Variants in C12orf42 observed in about 807,000 individuals in gnomAD.
C12orf42 encodes chromosome 12 open reading frame 42.
C12orf42 carries 25 observed loss-of-function variants against 21.6 expected under a neutral mutation model. The observed-to-expected ratio is 1.16, with a 90% CI of 0.84 to 1.62. The LOEUF (loss-of-function observed/expected upper bound fraction) is 1.62. C12orf42 is among the 40% of genes most tolerant of loss of function. The pLI is 0.00. For missense variants in C12orf42, 483 were observed against 459.3 expected, an observed-to-expected ratio of 1.05 and a Z score of -0.47; for synonymous variants, 174 against 175.0, an observed-to-expected ratio of 0.99 and a Z score of 0.05.
intron 2 of C12orf42, among the ~76,000 whole-genome samples, chr12:103,468,374 C>A (rs934080615): frequency 1.3e-5 from 2 of 152,158 alleles, no homozygotes; most frequent in Non-Finnish European, 2.9e-5. Context: ...TTAGGACTCA[C>A]TGGGTGTGTA....
Position 103,302,037 on chromosome 12 carries a change from C to A in C12orf42, c.*71G>T. 1.4e-6 allele frequency: 2 copies of A among 1,469,616 alleles called. No homozygotes were observed. Among genetic ancestry groups the A allele is most frequent in the South Asian group, 2.6e-5 (2 of 75,926 alleles). 91.0% of individuals were successfully genotyped at this position (1,469,616 alleles called of 1,614,324 possible). A position where few individuals can be genotyped will look rare whatever the true frequency, so the allele number is the denominator to read the frequency against. ...CTGTGGAAACCAGTACATCTGAGGC[C>A]CTTTCTGTTGTTCTGAGCAGGCATT... On this transcript the variant is annotated 3_prime_UTR_variant, in exon 6 of 6. Coordinates refer to ENST00000548883, the MANE Select transcript of C12orf42 (RefSeq NM_198521.5).
intron 4 of C12orf42, among the ~76,000 whole-genome samples, chr12:103,345,859 A>C (rs993086032): frequency 5.3e-5 from 8 of 152,188 alleles, no homozygotes; most frequent in African/African-American, 1.7e-4. Context: ...TGGTAAGGCA[A>C]AATATGCAAT....
At chr12:103,520,276 G>C in the C12orf42 span, among the ~76,000 whole-genome samples, 1 of 152,184 alleles carries the variant, frequency 6.6e-6, no homozygotes, top group African/African-American at 2.4e-5. Context: ...TGGGACCCCA[G>C]GGGCAGAGTG....
At chr12:103,532,813 C>G in the C12orf42 span, among the ~76,000 whole-genome samples, 1 of 152,168 alleles carries the variant, frequency 6.6e-6, no homozygotes. Context: ...GGATGACCGC[C>G]GTAACCATTA....
At chr12:103,480,263 A>G (rs970545385) in intron 1 of C12orf42, among the ~76,000 whole-genome samples, 8 of 151,836 alleles carry the variant, frequency 5.3e-5, no homozygotes, top group Non-Finnish European at 8.9e-5. Flanking sequence ...TCTATTCAGC[A>G]TAAACAATTC....
the C12orf42 span, among the ~76,000 whole-genome samples, chr12:103,507,147 TATAA>T: frequency 3.7e-3 from 81 of 22,140 alleles, 3 homozygotes; most frequent in Non-Finnish European, 4.6e-3. Context: ...ATATATATAA[TATAA>T]ATATATATAT....
At chr12:103,212,600 C>T in the C12orf42 span, among the ~76,000 whole-genome samples, 1 of 152,136 alleles carries the variant, frequency 6.6e-6, no homozygotes, top group African/African-American at 2.4e-5. Context: ...AGGCACATGA[C>T]ATCTGTTTGT....
chr12:103,239,893 T>C (rs1208451640), intron 10 of C12orf42, among the ~76,000 whole-genome samples: 10 of 152,148 alleles, frequency 6.6e-5, no homozygotes, highest in Admixed American at 6.6e-4. Flanking sequence ...AGATGGAGAC[T>C]GGCTTGCATC....
intron 4 of C12orf42, among the ~76,000 whole-genome samples, chr12:103,321,012 A>C (rs1230379724): frequency 6.6e-6 from 1 of 152,214 alleles, no homozygotes; most frequent in African/African-American, 2.4e-5. Context: ...TGTTACACAA[A>C]TGCATTAATA....
At chr12:103,226,217 C>G in the C12orf42 span, among the ~76,000 whole-genome samples, 13 of 152,152 alleles carry the variant, frequency 8.5e-5, no homozygotes, top group East Asian at 5.8e-4. Context: ...TTCTTGTGTG[C>G]TGGAGATGTG....
intron 4 of C12orf42, among the ~76,000 whole-genome samples, chr12:103,319,985 G>C (rs1329770180): frequency 6.6e-6 from 1 of 152,142 alleles, no homozygotes; most frequent in South Asian, 2.1e-4. Context: ...ACAAAAGGGA[G>C]GTCCTGAATA....
the C12orf42 span, among the ~76,000 whole-genome samples, chr12:103,155,807 G>A: frequency 6.8e-6 from 1 of 147,678 alleles, no homozygotes; most frequent in African/African-American, 2.5e-5. Flanking sequence ...ACATATACCA[G>A]TATGTGTATA....
chr12:103,209,882 C>A, the C12orf42 span, among the ~76,000 whole-genome samples: 37 of 152,220 alleles, frequency 2.4e-4, no homozygotes, highest in Admixed American at 7.8e-4. Context: ...CCTCCAAATT[C>A]TTTCTTAATG....
chr12:103,434,805 G>C (rs1248605124), intron 2 of C12orf42, among the ~76,000 whole-genome samples: 13 of 152,318 alleles, frequency 8.5e-5, no homozygotes, highest in South Asian at 8.3e-4. Flanking sequence ...AAACTGCAAG[G>C]CGGCAGCGAG....
At chr12:103,259,845 T>C (rs946642835) in intron 10 of C12orf42, among the ~76,000 whole-genome samples, 1 of 152,172 alleles carries the variant, frequency 6.6e-6, no homozygotes, top group Non-Finnish European at 1.5e-5. Context: ...ACATGGACTG[T>C]AGGCATTAAT....
chr12:103,408,107 G>A (rs2048560243), intron 2 of C12orf42, among the ~76,000 whole-genome samples: 1 of 152,268 alleles, frequency 6.6e-6, no homozygotes, highest in East Asian at 1.9e-4. Context: ...CCTTGGCTTG[G>A]AGTCATGTGT....
chr12:103,521,203 C>G, the C12orf42 span, among the ~76,000 whole-genome samples: 3 of 152,086 alleles, frequency 2.0e-5, no homozygotes, highest in Admixed American at 2.0e-4. Flanking sequence ...AAAACTGAAC[C>G]CAGAGTGGAA....
Position 103,322,115 on chromosome 12 carries a change from G to A in C12orf42, c.260-15770C>T, listed in dbSNP as rs558835105. ...CTCAGATGTGCACGCGCGTGCGTGC[G>A]CGCGCGCGCGCACACACACACACAC... On this transcript the variant is annotated intron_variant, in intron 4 of 5. Transcript: ENST00000548883. Among the ~76,000 whole-genome samples the A allele has an allele frequency of 7.1e-3, 682 of 95,750 alleles. 3 individuals are homozygous for A. The highest frequency in any genetic ancestry group is 0.035 in the African/African-American group (574 of 16,496). The allele number at this position is 95,750 out of a possible 152,430, so 62.8% of individuals were successfully genotyped here.
intron 3 of C12orf42, among the ~76,000 whole-genome samples, chr12:103,395,799 T>C (rs1052724649): frequency 1.3e-5 from 2 of 151,674 alleles, no homozygotes; most frequent in South Asian, 2.1e-4. Context: ...TAAAGCACTA[T>C]TTTATGCCAT....
Sources: gnomAD v4.1 joint callset for allele counts (sites outside exome capture counted in the v4.1 genomes callset) on GRCh38, gnomAD v4.1.1 for gene constraint, MANE v1.5 for transcripts, NCBI Gene and HGNC (gene_info 2026-07-23, HGNC 2026-07-21) for gene names.